Variants in STRN observed in about 807,000 individuals in gnomAD.
STRN encodes the protein protein phosphatase 2 regulatory subunit B'''alpha.
STRN carries 53 observed loss-of-function variants against 96.3 expected under a neutral mutation model. The observed-to-expected ratio is 0.55, with a 90% confidence interval of 0.44 to 0.69. The LOEUF (loss-of-function observed/expected upper bound fraction) is 0.69. Ranked by LOEUF, STRN falls within the 30% of genes least tolerant of loss-of-function variation. STRN has a pLI of 0.00. For missense variants in STRN, 987 were observed against 963.9 expected (o/e 1.02, Z -0.32); for synonymous variants, 428 against 355.9 (o/e 1.20, Z -2.28).
chr2:36,958,209 C>T (rs933527292), intron 1 of STRN, among the ~76,000 whole-genome samples: 2 of 151,892 alleles, frequency 1.3e-5, no homozygotes, highest in African/African-American at 4.8e-5. Context: ...CATGAGCCAC[C>T]GTGCCTGTCT....
chr2:36,918,468 A>G (rs549949699), intron 2 of STRN, among the ~76,000 whole-genome samples: 1 of 152,032 alleles, frequency 6.6e-6, no homozygotes, highest in African/African-American at 2.4e-5. Context: ...TTATATATAT[A>G]TAAAAGAAAA....
At position 36,870,861 on chromosome 2, in the gene STRN, A is replaced by T. The variant is rs1218382179; in HGVS notation, c.1324-1132T>A. The stretch of plus-strand genomic sequence containing the variant: ...TCCATGACTGTGACTGCCCCTGAAG[A>T]CCTTCTAGTGGGACAAGATGTGGAG... On this transcript the variant is annotated intron_variant, in intron 10 of 17. Coordinates refer to ENST00000263918, the MANE Select transcript of STRN (RefSeq NM_003162.4). Among the ~76,000 whole-genome samples, 6 of 152,294 alleles carry T rather than the reference A, an allele frequency of 3.9e-5. No individual in the cohort carries two copies. The East Asian group carries it at 9.6e-4, about 24-fold the overall frequency.
intron 12 of STRN, among the ~76,000 whole-genome samples, chr2:36,861,911 C>T (rs977942346): frequency 1.3e-5 from 2 of 152,136 alleles, no homozygotes; most frequent in Admixed American, 1.3e-4. Flanking sequence ...TTTTTCCAAT[C>T]CTCACCCTCT....
At chr2:36,872,078 T>C (rs1010829608) in intron 10 of STRN, among the ~76,000 whole-genome samples, 16 of 152,218 alleles carry the variant, frequency 1.1e-4, no homozygotes, top group African/African-American at 3.9e-4. Context: ...CGTCTTAATG[T>C]GGTAGGCAGC....
chr2:36,858,140 C>A (rs371338255), intron 13 of STRN, 117 bp from the exon 14 acceptor site: 5 of 736,644 alleles, frequency 6.8e-6, no homozygotes, highest in Non-Finnish European at 9.9e-6. Context: ...AAATATGATT[C>A]TTGGTTTCTA....
At chr2:36,941,552 A>G (rs1165215522) in intron 1 of STRN, among the ~76,000 whole-genome samples, 1 of 150,490 alleles carries the variant, frequency 6.6e-6, no homozygotes, top group Non-Finnish European at 1.5e-5. Flanking sequence ...TCTTATGTAA[A>G]CTTTTTTTTT....
chr2:36,913,472 T>A (rs1670013860), intron 3 of STRN, among the ~76,000 whole-genome samples: 1 of 152,208 alleles, frequency 6.6e-6, no homozygotes, highest in Non-Finnish European at 1.5e-5. Context: ...TTCCTACTTG[T>A]CCTTCAGATG....
intron 1 of STRN, among the ~76,000 whole-genome samples, chr2:36,929,091 ATGT>A (rs1323382812): frequency 1.3e-5 from 2 of 152,186 alleles, no homozygotes; most frequent in Non-Finnish European, 2.9e-5. Flanking sequence ...AGGAAAATGA[ATGT>A]TGAACTTCCA....
At chr2:36,929,270 A>C (rs1403610755) in intron 1 of STRN, among the ~76,000 whole-genome samples, 3 of 152,232 alleles carry the variant, frequency 2.0e-5, no homozygotes, top group Non-Finnish European at 4.4e-5. Context: ...TGTCAAAAGG[A>C]TATATGTAAA....
At chr2:36,913,215 T>G (rs927330041) in intron 3 of STRN, among the ~76,000 whole-genome samples, 1 of 152,164 alleles carries the variant, frequency 6.6e-6, no homozygotes, top group Non-Finnish European at 1.5e-5. Context: ...CTAATTAAGA[T>G]CCTTCAAATG....
At position 36,842,192 on chromosome 2, in the gene STRN, GCTTT is replaced by G. The variant is rs2148111592; in HGVS notation, c.*7260_*7263del. 1 of 152,176 alleles carries G rather than the reference GCTTT, an allele frequency of 6.6e-6. No individual in the cohort carries two copies. The highest frequency in any genetic ancestry group is 1.9e-4 in the East Asian group (1 of 5,182). The allele number at this position is 152,176 out of a possible 1,614,324, so 9.4% of individuals were successfully genotyped here. A position where few individuals can be genotyped will look rare whatever the true frequency, so the allele number is the denominator to read the frequency against. On this transcript the variant is annotated 3_prime_UTR_variant, in exon 18 of 18. Transcript: ENST00000263918. ...TAATGTAAAACGTTGCTTTCCATGT[GCTTT>G]TTTTTCTTAAAGTTTTCAGTTTGGG...
intron 15 of STRN, among the ~76,000 whole-genome samples, chr2:36,854,544 C>T (rs1458860831): frequency 6.6e-6 from 1 of 152,140 alleles, no homozygotes; most frequent in Non-Finnish European, 1.5e-5. Flanking sequence ...TATGCATGTA[C>T]ATGTTCACAC....
intron 10 of STRN, among the ~76,000 whole-genome samples, chr2:36,875,281 G>A (rs1228306553): frequency 6.6e-6 from 1 of 152,102 alleles, no homozygotes; most frequent in Non-Finnish European, 1.5e-5. Flanking sequence ...AGGCTGAGGT[G>A]GGCAGACTGC....
chr2:36,871,846 C>A (rs1028225735), intron 10 of STRN, among the ~76,000 whole-genome samples: 1 of 151,966 alleles, frequency 6.6e-6, no homozygotes, highest in African/African-American at 2.4e-5. Flanking sequence ...CCCAAGCAGT[C>A]TGAATTTAGA....
intron 16 of STRN, among the ~76,000 whole-genome samples, chr2:36,850,682 A>T (rs539384105): frequency 6.6e-6 from 1 of 152,312 alleles, no homozygotes; most frequent in Non-Finnish European, 1.5e-5. Context: ...ATAATACTAC[A>T]ATAGATCATA....
intron 15 of STRN, 35 bp from the exon 16 acceptor site, chr2:36,851,142 G>C (rs1198757830): frequency 1.3e-6 from 2 of 1,529,118 alleles, no homozygotes; most frequent in Non-Finnish European, 9.0e-7. Flanking sequence ...ACACAACTTA[G>C]TCAAAGATAT....
chr2:36,964,694 T>C (rs79370449), intron 1 of STRN, among the ~76,000 whole-genome samples: 3,014 of 152,330 alleles, frequency 0.02, 97 homozygotes, highest in African/African-American at 0.069. Flanking sequence ...AGGCCTACCC[T>C]GACTACCCCA....
intron 1 of STRN, among the ~76,000 whole-genome samples, chr2:36,928,540 T>G (rs1670478248): frequency 6.6e-6 from 1 of 151,206 alleles, no homozygotes; most frequent in South Asian, 2.1e-4. Context: ...TATTCCCAGC[T>G]ACTTGGAAGA....
At chr2:36,894,065 G>A in intron 6 of STRN, 32 bp from the exon 7 acceptor site, 11 of 1,597,402 alleles carry the variant, frequency 6.9e-6, no homozygotes, top group Admixed American at 1.8e-5. Context: ...TTAAATAAAG[G>A]AGATAGTTTC....
Sources: allele counts gnomAD v4.1 joint callset (sites outside exome capture counted in the v4.1 genomes callset), GRCh38; gene constraint gnomAD v4.1.1; transcripts MANE v1.5; gene names NCBI Gene and HGNC (gene_info 2026-07-23, HGNC 2026-07-21).